Variants in COL25A1 observed in about 807,000 individuals in gnomAD.
COL25A1 encodes the protein collagen alpha-1(XXV) chain.
In COL25A1, 103 loss-of-function variants were observed where a neutral mutation model predicts 128.4. The ratio of observed to expected loss-of-function variants is 0.80; its 90% CI spans 0.68 to 0.94. The LOEUF is 0.94. Among genes scored for constraint, COL25A1 ranks in the 40% least tolerant of loss-of-function variants. The probability of loss-of-function intolerance (pLI) is 0.00; values close to 1 mark genes in which losing one functional copy is unlikely to be tolerated. For missense variants in COL25A1, 745 were observed against 840.0 expected, an observed-to-expected ratio of 0.89 and a Z score of 1.40; for synonymous variants, 279 against 277.2, an observed-to-expected ratio of 1.01 and a Z score of -0.06.
intron 8 of COL25A1, among the ~76,000 whole-genome samples, chr4:108,946,320 C>G (rs1748748902): frequency 6.6e-6 from 1 of 152,176 alleles, no homozygotes; most frequent in African/African-American, 2.4e-5. Context: ...TATTGTTACG[C>G]AGTAATAATG....
chr4:108,937,537 CAG>C lies in COL25A1; in HGVS notation c.708+269_708+270del, dbSNP rs1208953976. Among the ~76,000 whole-genome samples the C allele has an allele frequency of 2.6e-5, 4 of 152,236 alleles. No homozygotes were observed. In the East Asian group the frequency reaches 7.7e-4, roughly 29 times the overall value. ...CCCCTAAATTTAATCTCTCTTACAG[CAG>C]AGTCACTTAATTAATTCTCTCCTTT... On this transcript the variant is annotated intron_variant, in intron 11 of 37. Coordinates refer to ENST00000399132, the MANE Select transcript of COL25A1 (RefSeq NM_198721.4).
chr4:109,255,136 A>G (rs974344073), intron 3 of COL25A1, among the ~76,000 whole-genome samples: 1 of 152,206 alleles, frequency 6.6e-6, no homozygotes, highest in African/African-American at 2.4e-5. Flanking sequence ...ATGAAAGTTT[A>G]CTTGATGGGA....
Position 108,868,202 on chromosome 4 carries a change from TAATAGCATCCCATCAATTTAG to T in COL25A1, c.1083+865_1083+885del, listed in dbSNP as rs1357097434. ...CTACTTTTCCATATGGCCAGGAAGC[TAATAGCATCCCATCAATTTAG>T]GAGCAATTTGGGGTACAAGTGGAAC... On this transcript the variant is annotated intron_variant, in intron 20 of 37. Transcript: ENST00000399132. Among the ~76,000 whole-genome samples, 4 of 152,290 alleles carry T rather than the reference TAATAGCATCCCATCAATTTAG, an allele frequency of 2.6e-5. No homozygotes were observed. The East Asian group carries it at 7.7e-4, about 29-fold the overall frequency.
chr4:109,184,638 G>A (rs185180839), intron 3 of COL25A1, among the ~76,000 whole-genome samples: 73 of 152,178 alleles, frequency 4.8e-4, no homozygotes, highest in Middle Eastern at 6.8e-3. Context: ...CTATTTTCTA[G>A]GTCCTAAGCC....
chr4:109,104,843 C>G (rs1766265557), intron 3 of COL25A1, among the ~76,000 whole-genome samples: 1 of 152,054 alleles, frequency 6.6e-6, no homozygotes, highest in Non-Finnish European at 1.5e-5. Context: ...AAAACACAAT[C>G]AGAAAGAGGA....
intron 4 of COL25A1, 76 bp downstream of exon 4, chr4:109,050,059 T>C: frequency 1.7e-6 from 2 of 1,188,672 alleles, no homozygotes; most frequent in Non-Finnish European, 2.5e-6. Flanking sequence ...GACAATATTA[T>C]CATTAATTAG....
chr4:108,898,894 AC>A (rs1485588033), intron 15 of COL25A1, among the ~76,000 whole-genome samples: 2 of 152,050 alleles, frequency 1.3e-5, no homozygotes, highest in African/African-American at 4.8e-5. Context: ...ACTTTTTTTA[AC>A]CCAAATTTTT....
chr4:109,278,833 T>C (rs987718826), intron 3 of COL25A1, among the ~76,000 whole-genome samples: 1 of 152,226 alleles, frequency 6.6e-6, no homozygotes. Context: ...AGGTAGCTTA[T>C]AAAATTAACT....
chr4:108,978,315 T>C (rs1389150390), intron 6 of COL25A1, among the ~76,000 whole-genome samples: 1 of 152,226 alleles, frequency 6.6e-6, no homozygotes, highest in East Asian at 1.9e-4. Flanking sequence ...TAACAGCAGG[T>C]GTTTTCTTCT....
intron 9 of COL25A1, 43 bp downstream of exon 9, chr4:108,941,323 T>C (rs753383906): frequency 1.3e-6 from 2 of 1,487,450 alleles, no homozygotes; most frequent in African/African-American, 1.4e-5. Flanking sequence ...GAGCAATAAC[T>C]GATGTAAAGA....
At chr4:108,938,021 A>C (rs1747643907) in intron 10 of COL25A1, among the ~76,000 whole-genome samples, 178 bp from the exon 11 acceptor site, 1 of 152,192 alleles carries the variant, frequency 6.6e-6, no homozygotes, top group Non-Finnish European at 1.5e-5. Flanking sequence ...AAACTTTACA[A>C]ATTTAGGGTT....
At chr4:108,951,780 G>C (rs1030702516) in intron 8 of COL25A1, among the ~76,000 whole-genome samples, 2 of 152,150 alleles carry the variant, frequency 1.3e-5, no homozygotes, top group African/African-American at 4.8e-5. Flanking sequence ...GCTATTTATG[G>C]TCATTAATAA....
At chr4:109,212,680 G>A (rs1396759289) in intron 3 of COL25A1, among the ~76,000 whole-genome samples, 1 of 152,050 alleles carries the variant, frequency 6.6e-6, no homozygotes, top group Non-Finnish European at 1.5e-5. Flanking sequence ...CAAGGAAGGG[G>A]GAAAAGTAGT....
intron 20 of COL25A1, among the ~76,000 whole-genome samples, chr4:108,867,924 C>T (rs1738134722): frequency 6.6e-6 from 1 of 151,806 alleles, no homozygotes; most frequent in Non-Finnish European, 1.5e-5. Context: ...ATAGATTTTG[C>T]TTTTAGAGCC....
At chr4:109,274,855 T>C (rs1240985363) in intron 3 of COL25A1, among the ~76,000 whole-genome samples, 8 of 152,220 alleles carry the variant, frequency 5.3e-5, no homozygotes, top group Admixed American at 2.0e-4. Context: ...TCTTCTTATA[T>C]AACACACGAA....
At chr4:108,939,479 A>G (rs1245758710) in intron 10 of COL25A1, among the ~76,000 whole-genome samples, 1 of 152,206 alleles carries the variant, frequency 6.6e-6, no homozygotes, top group Admixed American at 6.5e-5. Flanking sequence ...TATTCTCATA[A>G]AGAGTCATTC....
At chr4:109,045,492 TA>T (rs1320729803) in intron 5 of COL25A1, among the ~76,000 whole-genome samples, 1 of 152,146 alleles carries the variant, frequency 6.6e-6, no homozygotes, top group Non-Finnish European at 1.5e-5. Context: ...TACTCAGATA[TA>T]AAAAATATGC....
At position 108,860,894 on chromosome 4, in the gene COL25A1, G is replaced by A. The variant is rs1359662273; in HGVS notation, c.1242+33C>T. On this transcript the variant is annotated intron_variant, in intron 23 of 37. Transcript: ENST00000399132. ...GAATTCAAATCTGGGATTGTAGGGA[G>A]CAAAAGTTTAGATGGATGAGAGGAA... 8 of 1,603,580 alleles carry A rather than the reference G, an allele frequency of 5.0e-6. No individual in the cohort carries two copies. In the Admixed American group the frequency reaches 1.2e-4, roughly 23 times the overall value.
chr4:108,941,628 A>T (rs767275023), intron 8 of COL25A1, among the ~76,000 whole-genome samples, 191 bp from the exon 9 acceptor site: 11 of 152,220 alleles, frequency 7.2e-5, no homozygotes, highest in Non-Finnish European at 1.5e-4. Flanking sequence ...TAATCCTGAA[A>T]TGGGATGCTG....
Sources: allele counts gnomAD v4.1 joint callset (sites outside exome capture counted in the v4.1 genomes callset), GRCh38; gene constraint gnomAD v4.1.1; transcripts MANE v1.5; gene names NCBI Gene and HGNC (gene_info 2026-07-23, HGNC 2026-07-21).